DLC1: variants seen among roughly 807,000 people sequenced by gnomAD.
The protein encoded by DLC1 is rho GTPase-activating protein 7.
In DLC1, 54 loss-of-function variants were observed where a neutral mutation model predicts 140.3. The ratio of observed to expected loss-of-function variants is 0.38; its 90% CI spans 0.31 to 0.48. DLC1 has a LOEUF of 0.48. Ranked by LOEUF, DLC1 falls within the 20% of genes least tolerant of loss-of-function variation. The pLI is 0.96. For synonymous variants in DLC1, 986 were observed against 728.1 expected, an observed-to-expected ratio of 1.35 and a Z score of -5.70; for missense variants, 2,536 against 1,907.0, an observed-to-expected ratio of 1.33 and a Z score of -6.14.
At chr8:13,457,880 A>T (rs1285503070) in intron 2 of DLC1, among the ~76,000 whole-genome samples, 1 of 151,954 alleles carries the variant, frequency 6.6e-6, no homozygotes, top group Non-Finnish European at 1.5e-5. Flanking sequence ...CCTCTGTATT[A>T]TGGTAGTGTG....
chr8:13,113,236 A>C (rs576917459), intron 6 of DLC1, among the ~76,000 whole-genome samples: 10 of 152,336 alleles, frequency 6.6e-5, no homozygotes, highest in Non-Finnish European at 7.3e-5. Context: ...TGTGGGTTGA[A>C]AGGCAGGAAG....
intron 2 of DLC1, among the ~76,000 whole-genome samples, chr8:13,455,822 G>C (rs995794896): frequency 1.3e-5 from 2 of 152,144 alleles, no homozygotes; most frequent in South Asian, 2.1e-4. Flanking sequence ...TCTGCAATGA[G>C]CTATGACCAT....
At chr8:13,523,963 G>A (rs1802839066) in intron 1 of DLC1, among the ~76,000 whole-genome samples, 1 of 151,694 alleles carries the variant, frequency 6.6e-6, no homozygotes, top group African/African-American at 2.4e-5. Flanking sequence ...TTATTAAGTA[G>A]GAGAGAGGGG....
At chr8:13,459,036 G>T (rs1799539049) in intron 2 of DLC1, among the ~76,000 whole-genome samples, 1 of 152,094 alleles carries the variant, frequency 6.6e-6, no homozygotes, top group African/African-American at 2.4e-5. Flanking sequence ...TCTATTTCTT[G>T]CATCCAGCTA....
At chr8:13,183,245 A>G (rs1826143676) in intron 5 of DLC1, among the ~76,000 whole-genome samples, 1 of 152,200 alleles carries the variant, frequency 6.6e-6, no homozygotes, top group Admixed American at 6.5e-5. Context: ...TAAATATACA[A>G]TCATGTCATC....
intron 5 of DLC1, among the ~76,000 whole-genome samples, chr8:13,202,555 G>A (rs758263206): frequency 4.6e-5 from 7 of 152,196 alleles, no homozygotes; most frequent in South Asian, 2.1e-4. Context: ...TCTTGGCTTC[G>A]CTGTGGGCTT....
At chr8:13,091,559 G>A in intron 13 of DLC1, 127 bp from the exon 14 acceptor site, 2 of 715,452 alleles carry the variant, frequency 2.8e-6, no homozygotes, top group African/African-American at 1.8e-5. Flanking sequence ...ATTGTTAAGT[G>A]GATTAAGAGT....
At chr8:13,507,460 A>C (rs758152415) in intron 1 of DLC1, among the ~76,000 whole-genome samples, 2 of 152,202 alleles carry the variant, frequency 1.3e-5, no homozygotes, top group African/African-American at 2.4e-5. Flanking sequence ...CATGTTATCT[A>C]ATCTAAATTA....
intron 4 of DLC1, among the ~76,000 whole-genome samples, chr8:13,331,585 T>A (rs571675985): frequency 1.3e-5 from 2 of 152,018 alleles, no homozygotes; most frequent in African/African-American, 4.8e-5. Context: ...CACCATATAA[T>A]GCTCTCAAAT....
chr8:13,598,695 A>G (rs1399157115), intron 1 of DLC1, among the ~76,000 whole-genome samples: 1 of 151,964 alleles, frequency 6.6e-6, no homozygotes, highest in Non-Finnish European at 1.5e-5. Context: ...TTGCATTACT[A>G]CTTTTGTAAC....
chr8:13,324,112 A>G (rs1445427371), intron 4 of DLC1, among the ~76,000 whole-genome samples: 2 of 152,214 alleles, frequency 1.3e-5, no homozygotes, highest in Non-Finnish European at 2.9e-5. Context: ...CTTGCATCAG[A>G]AAGAGATCTG....
At chr8:13,316,483 G>A (rs986897461) in intron 4 of DLC1, among the ~76,000 whole-genome samples, 22 of 152,108 alleles carry the variant, frequency 1.4e-4, no homozygotes, top group African/African-American at 5.3e-4. Flanking sequence ...AAGTGTCCCA[G>A]TCTGGATGAT....
intron 3 of DLC1, among the ~76,000 whole-genome samples, chr8:13,399,917 T>C (rs1774311435): frequency 6.6e-6 from 1 of 152,064 alleles, no homozygotes; most frequent in African/African-American, 2.4e-5. Flanking sequence ...AAATTCACAG[T>C]GAAGTATGAG....
chr8:13,120,140 C>T (rs1225607808), intron 5 of DLC1, among the ~76,000 whole-genome samples: 2 of 150,958 alleles, frequency 1.3e-5, no homozygotes, highest in South Asian at 2.1e-4. Flanking sequence ...CTCAGGAGTT[C>T]GAGACCAGCC....
At chr8:13,439,989 G>C (rs370128019) in intron 2 of DLC1, among the ~76,000 whole-genome samples, 22 of 152,224 alleles carry the variant, frequency 1.4e-4, no homozygotes, top group African/African-American at 5.1e-4. Context: ...ATAGTTAAGT[G>C]TTCCTCAAAG....
intron 1 of DLC1, among the ~76,000 whole-genome samples, chr8:13,553,641 C>T (rs1253756548): frequency 6.6e-6 from 1 of 152,018 alleles, no homozygotes; most frequent in Admixed American, 6.6e-5. Context: ...GCATGAGCCA[C>T]TGCTCTCAGC....
At chr8:13,321,107 G>A (rs971264652) in intron 4 of DLC1, among the ~76,000 whole-genome samples, 3 of 152,060 alleles carry the variant, frequency 2.0e-5, no homozygotes, top group African/African-American at 7.2e-5. Flanking sequence ...GACACAAATG[G>A]ACTAAGCCGA....
chr8:13,232,821 G>T (rs1203011742), intron 5 of DLC1, among the ~76,000 whole-genome samples: 1 of 152,158 alleles, frequency 6.6e-6, no homozygotes, highest in African/African-American at 2.4e-5. Context: ...TCTCAGATGA[G>T]TTCTTAGAAA....
chr8:13,338,225 T>C (rs1260226609), intron 4 of DLC1, among the ~76,000 whole-genome samples: 1 of 152,180 alleles, frequency 6.6e-6, no homozygotes, highest in Non-Finnish European at 1.5e-5. Flanking sequence ...TCTCAACCAG[T>C]CACAGGTTTG....
Sources: gnomAD v4.1 joint callset for allele counts (sites outside exome capture counted in the v4.1 genomes callset) on GRCh38, gnomAD v4.1.1 for gene constraint, MANE v1.5 for transcripts, NCBI Gene and HGNC (gene_info 2026-07-23, HGNC 2026-07-21) for gene names.